The following ERCC6L2 variants were observed in gnomAD, a reference collection of about 807,000 sequenced individuals.
ERCC6L2 encodes DNA excision repair protein ERCC-6-like 2.
A neutral mutation model predicts 132.0 loss-of-function variants in ERCC6L2; 77 were observed. That is an observed-to-expected ratio of 0.58 (90% confidence interval 0.49 to 0.71). ERCC6L2 has a LOEUF of 0.71. Ranked by LOEUF, ERCC6L2 falls within the 30% of genes least tolerant of loss-of-function variation. ERCC6L2 has a pLI of 0.00. For synonymous variants in ERCC6L2, 583 were observed against 632.4 expected, an observed-to-expected ratio of 0.92 and a Z score of 1.17; for missense variants, 1,542 against 1,837.6, an observed-to-expected ratio of 0.84 and a Z score of 2.94.
chr9:95,909,810 A>G (rs976337949), intron 4 of ERCC6L2, among the ~76,000 whole-genome samples: 1 of 152,194 alleles, frequency 6.6e-6, no homozygotes, highest in South Asian at 2.1e-4. Context: ...CTCTTGGAGT[A>G]GAATTACTGT....
chr9:95,941,384 C>T, intron 11 of ERCC6L2, 70 bp from the exon 12 acceptor site: 1 of 1,113,780 alleles, frequency 9.0e-7, no homozygotes, highest in Non-Finnish European at 1.3e-6. Flanking sequence ...AAACCTGGCA[C>T]AGTTGAGTTA....
At chr9:96,024,422 G>A (rs34820284) in intron 19 of ERCC6L2, among the ~76,000 whole-genome samples, 266 of 152,348 alleles carry the variant, frequency 1.7e-3, no homozygotes, top group South Asian at 2.9e-3. Flanking sequence ...GGGACGTGGT[G>A]GCCCACGGCA....
Position 96,012,232 on chromosome 9 carries a change from T to C in ERCC6L2, c.3682T>C (p.Phe1228Leu), listed in dbSNP as rs1308343602. 8.0e-7 allele frequency: 1 copy of C among 1,252,740 alleles called. No homozygotes were observed. The highest frequency in any genetic ancestry group is 1.4e-5 in the South Asian group (1 of 71,260). 77.6% of individuals were successfully genotyped at this position (1,252,740 alleles called of 1,614,324 possible). A position where few individuals can be genotyped will look rare whatever the true frequency, so the allele number is the denominator to read the frequency against. Residue 1228 changes from phenylalanine (F) to leucine (L), a missense_variant, in exon 19 of 19, where the codon TTT becomes CTT. Phe to Leu is a conservative substitution (Grantham distance 22, BLOSUM62 0). Coordinates refer to ENST00000653738, the MANE Select transcript of ERCC6L2 (RefSeq NM_020207.7). ...ETPKGIRRKQ[F>L]EEMASYFNSS... ...TGTTCATTTAATCTTTAGAAAACAA[T>C]TTGAAGAAATGGCCTCTTATTTTAA...
intron 17 of ERCC6L2, among the ~76,000 whole-genome samples, chr9:95,981,424 G>T (rs1207215000): frequency 6.6e-6 from 1 of 152,052 alleles, no homozygotes; most frequent in Non-Finnish European, 1.5e-5. Context: ...TAACTTCATA[G>T]AACATATTTT....
At chr9:95,939,750 CT>C (rs1830714156) in intron 11 of ERCC6L2, among the ~76,000 whole-genome samples, 1 of 152,034 alleles carries the variant, frequency 6.6e-6, no homozygotes, top group Non-Finnish European at 1.5e-5. Context: ...TTTATGATGG[CT>C]TTGTTAAAAT....
At position 96,014,091 on chromosome 9, in the gene ERCC6L2, T is replaced by C. The variant is rs1212294232; in HGVS notation, c.*888T>C. ...TTTACTCAGCCCCTGTGTTCTGTGC[T>C]AGGAGCTTGAGCTCTACAGGTAAGG... On this transcript the variant is annotated 3_prime_UTR_variant, in exon 19 of 19. Coordinates refer to ENST00000653738, the MANE Select transcript of ERCC6L2 (RefSeq NM_020207.7). The C allele has an allele frequency of 6.6e-6, 1 of 152,252 alleles. No homozygotes were observed. The highest frequency in any genetic ancestry group is 1.5e-5 in the Non-Finnish European group (1 of 68,042). 9.4% of individuals were successfully genotyped at this position (152,252 alleles called of 1,614,324 possible). A position where few individuals can be genotyped will look rare whatever the true frequency, so the allele number is the denominator to read the frequency against.
chr9:95,905,385 A>G (rs1828981810), intron 3 of ERCC6L2, among the ~76,000 whole-genome samples: 1 of 152,110 alleles, frequency 6.6e-6, no homozygotes, highest in Non-Finnish European at 1.5e-5. Context: ...TGCCACCTTA[A>G]TTTTTAAACA....
At chr9:95,969,019 C>T (rs1832291053) in intron 14 of ERCC6L2, among the ~76,000 whole-genome samples, 1 of 152,110 alleles carries the variant, frequency 6.6e-6, no homozygotes, top group South Asian at 2.1e-4. Context: ...ACTCTGAAGG[C>T]TGCATTTGAG....
At chr9:96,035,882 A>G (rs1834512729) in intron 19 of ERCC6L2, among the ~76,000 whole-genome samples, 1 of 152,204 alleles carries the variant, frequency 6.6e-6, no homozygotes, top group Admixed American at 6.5e-5. Context: ...ACCCAGGAGA[A>G]GCTGAGCCAG....
chr9:95,947,521 A>G (rs1168828640), intron 12 of ERCC6L2, among the ~76,000 whole-genome samples: 1 of 152,242 alleles, frequency 6.6e-6, no homozygotes, highest in African/African-American at 2.4e-5. Flanking sequence ...GTTATCCAGA[A>G]GATCTAGCTA....
At chr9:95,989,842 G>T (rs1833230401) in intron 17 of ERCC6L2, among the ~76,000 whole-genome samples, 1 of 152,214 alleles carries the variant, frequency 6.6e-6, no homozygotes, top group Non-Finnish European at 1.5e-5. Context: ...ACATAATAAT[G>T]CAAGAAAAGA....
chr9:95,875,791 A>C lies in ERCC6L2; in HGVS notation c.-248A>C, dbSNP rs1294283935. The C allele has an allele frequency of 2.5e-5, 14 of 566,528 alleles. No homozygotes were observed. In the East Asian group the frequency reaches 3.5e-4, roughly 14 times the overall value. The allele number at this position is 566,528 out of a possible 1,614,324, so 35.1% of individuals were successfully genotyped here. A position where few individuals can be genotyped will look rare whatever the true frequency, so the allele number is the denominator to read the frequency against. ...AGGTGAACACCGCTTTGCCAGCCTC[A>C]CACAGCGTCCCCTGGCTCTGCCGCC... is the stretch of plus-strand genomic sequence containing the variant. On this transcript the variant is annotated 5_prime_UTR_variant, in exon 1 of 19. Coordinates refer to ENST00000653738, the MANE Select transcript of ERCC6L2 (RefSeq NM_020207.7).
chr9:95,959,202 A>C (rs1273451708), intron 13 of ERCC6L2, among the ~76,000 whole-genome samples: 1 of 149,180 alleles, frequency 6.7e-6, no homozygotes, highest in East Asian at 2.0e-4. Flanking sequence ...ATGGAACAGA[A>C]CAGAGCCCTC....
intron 17 of ERCC6L2, among the ~76,000 whole-genome samples, chr9:95,986,156 A>G (rs558927529): frequency 5.9e-5 from 9 of 152,324 alleles, no homozygotes; most frequent in Admixed American, 5.9e-4. Flanking sequence ...TGCTATAGCC[A>G]TTATCTCATT....
chr9:95,968,048 G>T (rs936008639), intron 14 of ERCC6L2: 5 of 152,116 alleles, frequency 3.3e-5, no homozygotes, highest in African/African-American at 1.2e-4. Flanking sequence ...GACATATCAG[G>T]ATGACAGGTT....
intron 16 of ERCC6L2, among the ~76,000 whole-genome samples, chr9:95,976,203 TCTCG>T: frequency 6.6e-6 from 1 of 152,286 alleles, no homozygotes; most frequent in East Asian, 1.9e-4. Context: ...TGGGCTTTCC[TCTCG>T]CTCTCTCTCC....
chr9:95,935,658 A>C (rs932871030), intron 11 of ERCC6L2, among the ~76,000 whole-genome samples: 3 of 152,190 alleles, frequency 2.0e-5, no homozygotes, highest in African/African-American at 7.2e-5. Flanking sequence ...AAGATAGCAG[A>C]GAAAATTGTA....
At chr9:95,955,662 T>C (rs1831563116) in intron 12 of ERCC6L2, among the ~76,000 whole-genome samples, 1 of 148,744 alleles carries the variant, frequency 6.7e-6, no homozygotes, top group Non-Finnish European at 1.5e-5. Context: ...TTTTAGACAG[T>C]GGAAAGTGAT....
intron 13 of ERCC6L2, among the ~76,000 whole-genome samples, chr9:95,958,674 CAA>C (rs1831740448): frequency 6.6e-6 from 1 of 152,066 alleles, no homozygotes; most frequent in African/African-American, 2.4e-5. Context: ...GCAACTTCAG[CAA>C]AGTCTCAGGA....
Sources: gnomAD v4.1 joint callset for allele counts (sites outside exome capture counted in the v4.1 genomes callset) on GRCh38, gnomAD v4.1.1 for gene constraint, MANE v1.5 for transcripts, NCBI Gene and HGNC (gene_info 2026-07-23, HGNC 2026-07-21) for gene names.